The following PHYHIP variants were observed in gnomAD, a reference collection of about 807,000 sequenced individuals.
PHYHIP encodes phytanoyl-CoA 2-hydroxylase interacting protein, also known as phytanoyl-CoA hydroxylase-interacting protein.
Under a neutral mutation model 26.1 loss-of-function variants are expected in PHYHIP, and 7 were observed. That is an observed-to-expected ratio of 0.27 (90% CI 0.15 to 0.50). PHYHIP has a LOEUF of 0.50. Among genes scored for constraint, PHYHIP ranks in the 20% least tolerant of loss-of-function variants. PHYHIP has a pLI of 0.98. For missense variants in PHYHIP, 232 were observed against 454.7 expected (o/e 0.51, Z 4.45); for synonymous variants, 206 against 183.4 (o/e 1.12, Z -1.00).
In PHYHIP at chr8:22,220,233, G is replaced by T. The variant is rs1829587628; in HGVS notation, c.*1120C>A. The T allele has an allele frequency of 6.6e-6, 1 of 152,246 alleles. No individual in the cohort carries two copies. The highest frequency in any genetic ancestry group is 1.5e-5 in the Non-Finnish European group (1 of 68,066). The allele number at this position is 152,246 out of a possible 1,614,324, so 9.4% of individuals were successfully genotyped here. A position where few individuals can be genotyped will look rare whatever the true frequency, so the allele number is the denominator to read the frequency against. ...ACCCTCGTGACCTGTGTGACAGTAG[G>T]AATGAGGCAAAAACACAAGGAGGCC... On this transcript the variant is annotated 3_prime_UTR_variant, in exon 5 of 5. Coordinates refer to ENST00000454243, the MANE Select transcript of PHYHIP (RefSeq NM_014759.5).
At position 22,219,848 on chromosome 8, in the gene PHYHIP, CA is replaced by C. The variant is rs1829576704; in HGVS notation, c.*1504del. 6.5e-6 allele frequency: 1 copy of C among 153,076 alleles called. No homozygotes were observed. The highest frequency in any genetic ancestry group is 2.4e-5 in the African/African-American group (1 of 41,472). 9.5% of individuals were successfully genotyped at this position (153,076 alleles called of 1,614,324 possible). On this transcript the variant is annotated 3_prime_UTR_variant, in exon 5 of 5. Transcript: ENST00000454243. ...CACCCCCACAGCAATGCTGTCAGCA[CA>C]GGGGGAAGGAAAGGGCCTGGGCCAT...
chr8:22,228,123 G>T, intron 2 of PHYHIP, 70 bp downstream of exon 2: 1 of 1,281,036 alleles, frequency 7.8e-7, no homozygotes, highest in Non-Finnish European at 1.1e-6. Flanking sequence ...ATCACTTCCA[G>T]GTGTTCCCTT....
rs1317630301 is a variant in PHYHIP, at chr8:22,221,988, GC to G, written c.459-102del. ...GTGTGGTCGAGGAGGGAGGAAGCCA[GC>G]CCAGCTCCCAGCCCTCCCCCAGCCG... On this transcript the variant is annotated intron_variant, in intron 4 of 4. Coordinates refer to ENST00000454243, the MANE Select transcript of PHYHIP (RefSeq NM_014759.5). The surrounding 1 kb of genome is among the most constrained non-coding windows in gnomAD (Gnocchi z 7.9). 3.9e-6 allele frequency: 4 copies of G among 1,038,034 alleles called. No individual in the cohort carries two copies. The highest frequency in any genetic ancestry group is 5.4e-6 in the Non-Finnish European group (4 of 737,012). 64.3% of individuals were successfully genotyped at this position (1,038,034 alleles called of 1,614,324 possible).
chr8:22,224,749 A>G (rs1829708425), intron 3 of PHYHIP, among the ~76,000 whole-genome samples: 2 of 152,150 alleles, frequency 1.3e-5, no homozygotes, highest in Non-Finnish European at 2.9e-5. Flanking sequence ...AGTCTCTCAA[A>G]TACAGTAGAT....
intron 1 of PHYHIP, among the ~76,000 whole-genome samples, chr8:22,231,588 C>G (rs1829867678): frequency 6.6e-6 from 1 of 152,198 alleles, no homozygotes; most frequent in Middle Eastern, 3.2e-3. Flanking sequence ...GCAGAACGGT[C>G]ACGGGGTGAC....
rs1485398081 is a variant in PHYHIP, at chr8:22,220,643, AAGGAACATCCGAC to A, written c.*697_*709del. 2.6e-5 allele frequency: 4 copies of A among 152,278 alleles called. No homozygotes were observed. The highest frequency in any genetic ancestry group is 9.7e-5 in the African/African-American group (4 of 41,442). The allele number at this position is 152,278 out of a possible 1,614,324, so 9.4% of individuals were successfully genotyped here. On this transcript the variant is annotated 3_prime_UTR_variant, in exon 5 of 5. Transcript: ENST00000454243. ...AGAAGGTATGCTGGGGTATGGAAGG[AAGGAACATCCGAC>A]AGCCTGACGCCCCCAGTGCCAAGAG... is the stretch of plus-strand genomic sequence containing the variant.
Position 22,221,420 on chromosome 8 carries a change from C to A in PHYHIP, c.926G>T (p.Ser309Ile). 6.2e-7 allele frequency: 1 copy of A among 1,613,832 alleles called. No homozygotes were observed. Among genetic ancestry groups the A allele is most frequent in the Non-Finnish European group, 8.5e-7 (1 of 1,179,860 alleles). ...LGEISGHQLM[S>I]LSTADAKKDP... ...CTTCTTGGCATCGGCAGTAGACAGA[C>A]TCATGAGCTGGTGCCCACTGATCTC... The change falls in exon 5 of 5, where the codon AGT becomes ATT. Residue 309 changes from serine (S) to isoleucine (I), a missense_variant. By Grantham distance (142) the Ser-to-Ile change is moderately radical. Coordinates refer to ENST00000454243, the MANE Select transcript of PHYHIP (RefSeq NM_014759.5). This position sits in a 1 kb window ranked among gnomAD's most constrained non-coding sequence, Gnocchi z 7.9.
chr8:22,225,948 G>A lies in PHYHIP; in HGVS notation c.340+903C>T, dbSNP rs142311864. Among the ~76,000 whole-genome samples the A allele has an allele frequency of 2.3e-3, 343 of 152,286 alleles. 1 individual carries two copies. Among genetic ancestry groups the A allele is most frequent in the African/African-American group, 7.6e-3 (315 of 41,570 alleles). On this transcript the variant is annotated intron_variant, in intron 3 of 4. Transcript: ENST00000454243. ...AGAGGCCCGGGGCTGAGAATGTTCC[G>A]TGTCTCTTCTGTGTGACAGAGAGAT...
rs756040422 is a variant in PHYHIP at position 22,221,462 on chromosome 8, G to T, written c.884C>A (p.Ser295Tyr). The part of the protein sequence containing the change: ...EIIYTEPVDL[S>Y]LGTLGEISGH... Reference sequence around the variant, plus strand: ...ACTGATCTCCCCCAGGGTGCCCAGGGACAGGTCGACGGGCTCAGTGTAGAT... The same window carrying T: ...ACTGATCTCCCCCAGGGTGCCCAGGTACAGGTCGACGGGCTCAGTGTAGAT... Residue 295 changes from serine (S) to tyrosine (Y), a missense_variant, in exon 5 of 5, where the codon TCC (serine) becomes TAC (tyrosine). By Grantham distance (144) the Ser-to-Tyr change is moderately radical. Transcript: ENST00000454243. This position sits in a 1 kb window ranked among gnomAD's most constrained non-coding sequence, Gnocchi z 7.9. The T allele has an allele frequency of 6.2e-7, 1 of 1,614,188 alleles. No individual in the cohort carries two copies. Among genetic ancestry groups the T allele is most frequent in the South Asian group, 1.1e-5 (1 of 91,086 alleles).
intron 2 of PHYHIP, 57 bp from the exon 3 acceptor site, chr8:22,227,082 C>T: frequency 6.8e-7 from 1 of 1,463,592 alleles, no homozygotes. Context: ...CATGCCCAAT[C>T]TGGGCATCAC....
Position 22,224,359 on chromosome 8 carries a change from T to C in PHYHIP, c.341-16A>G. 2 of 1,476,308 alleles carry C rather than the reference T, an allele frequency of 1.4e-6. No homozygotes were observed. The highest frequency in any genetic ancestry group is 4.5e-5 in the East Asian group (2 of 44,236). The allele number at this position is 1,476,308 out of a possible 1,614,324, so 91.5% of individuals were successfully genotyped here. A position where few individuals can be genotyped will look rare whatever the true frequency, so the allele number is the denominator to read the frequency against. On this transcript the variant is annotated splice_polypyrimidine_tract_variant and intron_variant, in intron 3 of 4. Coordinates refer to ENST00000454243, the MANE Select transcript of PHYHIP (RefSeq NM_014759.5). Reference sequence around the variant, plus strand: ...TTGGCATAATCTGCAAGATCCCAGATGCGGTAGGTGAGCCGAGGGCCAGCT... The same window carrying C: ...TTGGCATAATCTGCAAGATCCCAGACGCGGTAGGTGAGCCGAGGGCCAGCT...
At chr8:22,228,736 A>C in intron 1 of PHYHIP, 1 of 146,874 alleles carries the variant, frequency 6.8e-6, no homozygotes, top group Non-Finnish European at 1.4e-5. Flanking sequence ...GAAAAGAGAA[A>C]GGGGTGGGGG....
At chr8:22,230,217 A>ATG (rs1554491416) in intron 1 of PHYHIP, among the ~76,000 whole-genome samples, 40 of 151,506 alleles carry the variant, frequency 2.6e-4, no homozygotes, top group Non-Finnish European at 1.6e-4. Context: ...ACACACACGC[A>ATG]CACACACACA....
intron 3 of PHYHIP, among the ~76,000 whole-genome samples, chr8:22,224,557 A>G (rs1352176211): frequency 6.6e-6 from 1 of 152,210 alleles, no homozygotes; most frequent in Non-Finnish European, 1.5e-5. Context: ...GTCTGTCGTC[A>G]TCACCTCTGC....
At chr8:22,229,392 C>A (rs1462997596) in intron 1 of PHYHIP, among the ~76,000 whole-genome samples, 1 of 152,186 alleles carries the variant, frequency 6.6e-6, no homozygotes, top group Non-Finnish European at 1.5e-5. Flanking sequence ...TTTCAAGCAA[C>A]TGCATTTTCT....
At chr8:22,223,821 G>GCAGTA in intron 4 of PHYHIP, 2 of 164,154 alleles carry the variant, frequency 1.2e-5, no homozygotes, top group African/African-American at 2.4e-5. Context: ...AAACCGACGA[G>GCAGTA]CTGGGTGCTT....
intron 1 of PHYHIP, among the ~76,000 whole-genome samples, chr8:22,231,156 CCTT>C (rs1443709689): frequency 6.6e-6 from 1 of 152,150 alleles, no homozygotes; most frequent in East Asian, 1.9e-4. Context: ...GGTTTCTGCC[CCTT>C]CTTCTCTTTA....
chr8:22,227,078 C>CAG, intron 2 of PHYHIP, 53 bp from the exon 3 acceptor site: 1 of 1,492,862 alleles, frequency 6.7e-7, no homozygotes, highest in Admixed American at 1.9e-5. Context: ...GGTTCATGCC[C>CAG]AATCTGGGCA....
At chr8:22,228,418 T>C in intron 1 of PHYHIP, 32 bp from the exon 2 acceptor site, 1 of 1,350,586 alleles carries the variant, frequency 7.4e-7, no homozygotes, top group African/African-American at 1.5e-5. Flanking sequence ...AGTACATCCC[T>C]TGACCCCGGC....
Sources: allele counts gnomAD v4.1 joint callset (sites outside exome capture counted in the v4.1 genomes callset), GRCh38; gene constraint gnomAD v4.1.1; non-coding constraint Gnocchi (gnomAD v3.1); transcripts MANE v1.5; gene names NCBI Gene and HGNC (gene_info 2026-07-23, HGNC 2026-07-21).